Variants in KHDRBS2 observed in about 807,000 individuals in gnomAD.
The protein encoded by KHDRBS2 is KH domain-containing, RNA-binding, signal transduction-associated protein 2.
Under a neutral mutation model 44.3 loss-of-function variants are expected in KHDRBS2, and 26 were observed. The ratio of observed to expected loss-of-function variants is 0.59; its 90% confidence interval spans 0.43 to 0.81. The LOEUF is 0.81. Ranked by LOEUF, KHDRBS2 falls within the 40% of genes least tolerant of loss-of-function variation. KHDRBS2 has a pLI of 0.00. For synonymous variants in KHDRBS2, 194 were observed against 151.1 expected (o/e 1.28, Z -2.08); for missense variants, 476 against 433.1 (o/e 1.10, Z -0.88).
the KHDRBS2 span, among the ~76,000 whole-genome samples, chr6:61,634,526 A>G: frequency 7.6e-6 from 1 of 131,934 alleles, no homozygotes; most frequent in African/African-American, 2.5e-5. Flanking sequence ...CCTAATAGAC[A>G]CTGGTGTTGT....
intron 2 of KHDRBS2, among the ~76,000 whole-genome samples, chr6:62,169,351 G>A (rs1819544313): frequency 6.6e-6 from 1 of 151,574 alleles, no homozygotes; most frequent in Non-Finnish European, 1.5e-5. Flanking sequence ...GAATATGGAG[G>A]AACATATTGA....
At chr6:61,862,234 G>A (rs576747060) in intron 6 of KHDRBS2, among the ~76,000 whole-genome samples, 3 of 152,018 alleles carry the variant, frequency 2.0e-5, no homozygotes, top group Admixed American at 1.3e-4. Context: ...AAGATAGATC[G>A]ACTTCCTCTA....
chr6:61,594,247 C>CAA, the KHDRBS2 span, among the ~76,000 whole-genome samples: 7 of 151,538 alleles, frequency 4.6e-5, no homozygotes, highest in East Asian at 3.9e-4. Flanking sequence ...ACAGTTTAAA[C>CAA]AAAAAAATAT....
rs532635415 is a variant in KHDRBS2 at position 61,848,217 on chromosome 6, C to T, written c.810+46418G>A. On this transcript the variant is annotated intron_variant, in intron 6 of 8. Coordinates refer to ENST00000281156, the MANE Select transcript of KHDRBS2 (RefSeq NM_152688.4). ...TCAGGAAACTGTCTTTTCAACAAGT[C>T]TTTTAATTCTGATGCAGGTAGCCTG... 2.1e-3 allele frequency among the ~76,000 whole-genome samples: 315 copies of T among 151,588 alleles called. 1 individual carries two copies. Among genetic ancestry groups the T allele is most frequent in the African/African-American group, 7.4e-3 (307 of 41,356 alleles).
Position 61,775,566 on chromosome 6 carries a change from T to C in KHDRBS2, c.811-42802A>G, listed in dbSNP as rs529510169. On this transcript the variant is annotated intron_variant, in intron 6 of 8. Coordinates refer to ENST00000281156, the MANE Select transcript of KHDRBS2 (RefSeq NM_152688.4). ...AATTGCTTCAAAGAGAATAAAATAC[T>C]TAGGAATCCAACTTACAAGGGACGT... Among the ~76,000 whole-genome samples, 1,408 of 151,738 alleles carry C rather than the reference T, an allele frequency of 9.3e-3. 15 individuals carry two copies. The highest frequency in any genetic ancestry group is 0.016 in the Non-Finnish European group (1,059 of 67,734).
At chr6:61,738,009 A>G (rs1775635270) in intron 6 of KHDRBS2, among the ~76,000 whole-genome samples, 1 of 152,002 alleles carries the variant, frequency 6.6e-6, no homozygotes, top group Admixed American at 6.6e-5. Flanking sequence ...ATTTAAGGTG[A>G]ATATGAATAT....
intron 3 of KHDRBS2, among the ~76,000 whole-genome samples, chr6:61,981,017 A>G (rs937304391): frequency 6.6e-6 from 1 of 152,124 alleles, no homozygotes; most frequent in Admixed American, 6.6e-5. Context: ...TCATAAATAC[A>G]TATAGCTTTT....
At chr6:61,928,177 G>A (rs1455887872) in intron 4 of KHDRBS2, among the ~76,000 whole-genome samples, 1 of 152,052 alleles carries the variant, frequency 6.6e-6, no homozygotes, top group Non-Finnish European at 1.5e-5. Flanking sequence ...CAATGTGATT[G>A]TTATCAACTC....
chr6:62,250,780 A>G (rs942107806), intron 1 of KHDRBS2, among the ~76,000 whole-genome samples: 1 of 152,104 alleles, frequency 6.6e-6, no homozygotes, highest in Admixed American at 6.6e-5. Context: ...AGAAAAAAAT[A>G]TTAATTACAA....
intron 6 of KHDRBS2, among the ~76,000 whole-genome samples, chr6:61,882,134 C>T (rs979427745): frequency 6.6e-6 from 1 of 151,924 alleles, no homozygotes; most frequent in African/African-American, 2.4e-5. Flanking sequence ...GAGGTGTTCT[C>T]CCCCTATACC....
chr6:61,634,035 C>A, the KHDRBS2 span, among the ~76,000 whole-genome samples: 1 of 151,848 alleles, frequency 6.6e-6, no homozygotes, highest in Admixed American at 6.6e-5. Flanking sequence ...ATTTATTAAC[C>A]ACATTTTTAG....
chr6:62,159,024 G>A (rs371208391), intron 2 of KHDRBS2, among the ~76,000 whole-genome samples: 122 of 151,994 alleles, frequency 8.0e-4, no homozygotes, highest in East Asian at 2.5e-3. Context: ...CCATGTGACC[G>A]TCATACAGAT....
At chr6:61,586,770 C>T in the KHDRBS2 span, among the ~76,000 whole-genome samples, 5 of 152,040 alleles carry the variant, frequency 3.3e-5, no homozygotes, top group South Asian at 1.0e-3. Flanking sequence ...AAAAAGAAAG[C>T]AGGAATGAGG....
At chr6:62,244,838 G>A (rs772394189) in intron 1 of KHDRBS2, among the ~76,000 whole-genome samples, 8 of 152,004 alleles carry the variant, frequency 5.3e-5, no homozygotes, top group Non-Finnish European at 8.8e-5. Context: ...TTTTCACATT[G>A]TATCTGCAGA....
chr6:61,574,810 G>A, the KHDRBS2 span, among the ~76,000 whole-genome samples: 1 of 152,074 alleles, frequency 6.6e-6, no homozygotes, highest in Non-Finnish European at 1.5e-5. Context: ...TTTGGAGGCT[G>A]AGGCGAGATA....
At chr6:61,599,705 A>G in the KHDRBS2 span, among the ~76,000 whole-genome samples, 1 of 152,176 alleles carries the variant, frequency 6.6e-6, no homozygotes, top group Non-Finnish European at 1.5e-5. Flanking sequence ...CCTTTCATGG[A>G]TGGGATTTCT....
chr6:62,122,403 G>C (rs1357482796), intron 2 of KHDRBS2, among the ~76,000 whole-genome samples: 1 of 152,122 alleles, frequency 6.6e-6, no homozygotes, highest in South Asian at 2.1e-4. Flanking sequence ...TGCCTATCAT[G>C]AACTGGGTGC....
At chr6:61,736,084 C>T (rs1050383424) in intron 6 of KHDRBS2, among the ~76,000 whole-genome samples, 36 of 149,890 alleles carry the variant, frequency 2.4e-4, no homozygotes, top group African/African-American at 8.6e-4. Context: ...AAATGTCTCT[C>T]CATTTTTTTT....
chr6:61,606,501 G>C, the KHDRBS2 span, among the ~76,000 whole-genome samples: 2 of 152,184 alleles, frequency 1.3e-5, no homozygotes, highest in African/African-American at 2.4e-5. Flanking sequence ...TAAATGTGCA[G>C]AAGTGTGCGT....
Sources: gnomAD v4.1 joint callset for allele counts (sites outside exome capture counted in the v4.1 genomes callset) on GRCh38, gnomAD v4.1.1 for gene constraint, MANE v1.5 for transcripts, NCBI Gene and HGNC (gene_info 2026-07-23, HGNC 2026-07-21) for gene names.